Variants in TRPM7 observed in about 807,000 individuals in gnomAD.
TRPM7 encodes transient receptor potential cation channel subfamily M member 7, also known as LTRPC ion channel family member 7.
Under a neutral mutation model 229.7 loss-of-function variants are expected in TRPM7, and 134 were observed. The ratio of observed to expected loss-of-function variants is 0.58; its 90% CI spans 0.51 to 0.67. TRPM7 has a LOEUF of 0.67. Ranked by LOEUF, TRPM7 falls within the 30% of genes least tolerant of loss-of-function variation. The probability of loss-of-function intolerance (pLI) is 0.00; values close to 1 mark genes in which losing one functional copy is unlikely to be tolerated. For missense variants in TRPM7, 1,901 were observed against 2,210.0 expected, an observed-to-expected ratio of 0.86 and a Z score of 2.80; for synonymous variants, 699 against 715.2, an observed-to-expected ratio of 0.98 and a Z score of 0.36.
At chr15:50,580,829 A>T in intron 30 of TRPM7, 45 bp downstream of exon 30, 1 of 1,548,416 alleles carries the variant, frequency 6.5e-7, no homozygotes, top group Non-Finnish European at 8.7e-7. Flanking sequence ...AACATTCAAT[A>T]ACTATGATAC....
chr15:50,631,197 T>A lies in TRPM7; in HGVS notation c.1204+220A>T, dbSNP rs528802351. 3.9e-5 allele frequency among the ~76,000 whole-genome samples: 6 copies of A among 152,334 alleles called. No individual in the cohort carries two copies. The East Asian group carries it at 1.2e-3, about 29-fold the overall frequency. ...GCATAAACCTTGCTAAAAACTTTTA[T>A]TTTTTAAATTCTACAAGATTAAATT... is the stretch of plus-strand genomic sequence containing the variant. On this transcript the variant is annotated intron_variant, in intron 10 of 38. Coordinates refer to ENST00000646667, the MANE Select transcript of TRPM7 (RefSeq NM_017672.6).
At chr15:50,678,883 A>AC (rs1443477238) in intron 1 of TRPM7, among the ~76,000 whole-genome samples, 1 of 151,960 alleles carries the variant, frequency 6.6e-6, no homozygotes, top group Non-Finnish European at 1.5e-5. Context: ...CAAAAAAAAA[A>AC]ATTTTTTTGA....
intron 21 of TRPM7, chr15:50,604,576 GAA>G (rs376885628): frequency 4.5e-3 from 347 of 77,160 alleles, no homozygotes; most frequent in Middle Eastern, 0.015. Flanking sequence ...GTCTCAAAAA[GAA>G]AAAAAAAAAA....
intron 1 of TRPM7, among the ~76,000 whole-genome samples, chr15:50,671,955 T>C (rs1471528734): frequency 1.3e-5 from 2 of 151,004 alleles, no homozygotes; most frequent in Admixed American, 6.6e-5. Context: ...GTACAGTACA[T>C]AATACTTTGT....
chr15:50,656,184 C>G (rs1004594179), intron 3 of TRPM7, among the ~76,000 whole-genome samples: 1 of 152,120 alleles, frequency 6.6e-6, no homozygotes, highest in Non-Finnish European at 1.5e-5. Context: ...AAAAGAAACT[C>G]TTTGGCATCG....
intron 1 of TRPM7, among the ~76,000 whole-genome samples, chr15:50,677,566 C>CCAT (rs2062121927): frequency 6.6e-6 from 1 of 150,434 alleles, no homozygotes; most frequent in East Asian, 2.0e-4. Flanking sequence ...TGGTGAAACC[C>CCAT]CATCCCTACT....
Position 50,592,580 on chromosome 15 carries a change from T to C in TRPM7, c.3655A>G (p.Asn1219Asp), listed in dbSNP as rs1336102660. 6.2e-7 allele frequency: 1 copy of C among 1,606,176 alleles called. No individual in the cohort carries two copies. Among genetic ancestry groups the C allele is most frequent in the East Asian group, 2.2e-5 (1 of 44,832 alleles). ...GATTGTAATGATCTTTTTATGTAGT[T>C]GACACGATCTCCAACTTCTTTAATC... Reference protein sequence around the residue: ...IQIKEVGDRVNYIKRSLQSLD... With the variant: ...IQIKEVGDRVDYIKRSLQSLD... Residue 1219 changes from asparagine (N) to aspartate (D), a missense_variant, in exon 26 of 39, where the codon AAC (asparagine) becomes GAC (aspartate). Transcript: ENST00000646667.
At chr15:50,659,723 A>G (rs1371875189) in intron 2 of TRPM7, among the ~76,000 whole-genome samples, 1 of 151,748 alleles carries the variant, frequency 6.6e-6, no homozygotes, top group Non-Finnish European at 1.5e-5. Context: ...GCTGGAGTGC[A>G]GTGGCACCTT....
intron 23 of TRPM7, among the ~76,000 whole-genome samples, chr15:50,595,332 G>C (rs548394850): frequency 9.0e-4 from 136 of 151,090 alleles, no homozygotes; most frequent in African/African-American, 3.2e-3. Flanking sequence ...ATACTGAACA[G>C]CCCTGCTTTT....
chr15:50,666,404 G>A (rs1017397829), intron 1 of TRPM7, among the ~76,000 whole-genome samples: 4 of 152,054 alleles, frequency 2.6e-5, no homozygotes, highest in Non-Finnish European at 4.4e-5. Context: ...TCATGCCACC[G>A]TACTCCAGCC....
Position 50,612,589 on chromosome 15 carries a change from G to C in TRPM7, c.2011C>G (p.Leu671Val). 1 of 1,613,762 alleles carries C rather than the reference G, an allele frequency of 6.2e-7. No homozygotes were observed. The highest frequency in any genetic ancestry group is 8.5e-7 in the Non-Finnish European group (1 of 1,179,862). ...SMAYEAKQSD[L>V]VDDTSEELKQ... ...AGTTCTTCTGAAGTATCATCTACCAGGTCACTCTGCTTTGCTTCATATGCC... is the reference window on the plus strand; with the variant it reads ...AGTTCTTCTGAAGTATCATCTACCACGTCACTCTGCTTTGCTTCATATGCC... Residue 671 changes from leucine to valine, a missense_variant, in exon 16 of 39, where the codon CTG becomes GTG. Leu to Val is a conservative substitution (Grantham distance 32). Transcript: ENST00000646667.
intron 18 of TRPM7, 33 bp downstream of exon 18, chr15:50,609,773 C>T (rs2060018201): frequency 6.3e-6 from 10 of 1,597,576 alleles, no homozygotes; most frequent in Non-Finnish European, 8.5e-6. Context: ...TCAGAACAAA[C>T]TTATATTTAC....
At chr15:50,594,869 C>T (rs2059594553) in intron 23 of TRPM7, among the ~76,000 whole-genome samples, 1 of 151,836 alleles carries the variant, frequency 6.6e-6, no homozygotes, top group South Asian at 2.1e-4. Context: ...TAAGAAAATA[C>T]TCAGACTTAT....
chr15:50,647,020 C>A (rs2061287793), intron 4 of TRPM7, among the ~76,000 whole-genome samples: 2 of 152,216 alleles, frequency 1.3e-5, no homozygotes, highest in Admixed American at 1.3e-4. Context: ...ACGGTGTTAG[C>A]ATGATGAAAT....
chr15:50,672,841 C>A (rs1282982043), intron 1 of TRPM7, among the ~76,000 whole-genome samples: 1 of 122,874 alleles, frequency 8.1e-6, no homozygotes, highest in Non-Finnish European at 1.6e-5. Flanking sequence ...ACCAGGGAAG[C>A]AGAGGTTGCA....
At chr15:50,663,585 C>T (rs2061791903) in intron 1 of TRPM7, among the ~76,000 whole-genome samples, 1 of 151,652 alleles carries the variant, frequency 6.6e-6, no homozygotes, top group Admixed American at 6.6e-5. Context: ...TTCAAATAGT[C>T]AAACAGGAGG....
chr15:50,603,169 A>C (rs1010150637), intron 21 of TRPM7, among the ~76,000 whole-genome samples: 1 of 152,198 alleles, frequency 6.6e-6, no homozygotes, highest in Non-Finnish European at 1.5e-5. Flanking sequence ...GGGAAGACAC[A>C]TTCTCTTGGA....
At chr15:50,610,752 G>C (rs1878182600) in intron 17 of TRPM7, among the ~76,000 whole-genome samples, 1 of 152,022 alleles carries the variant, frequency 6.6e-6, no homozygotes, top group Non-Finnish European at 1.5e-5. Context: ...TTAGTAGATA[G>C]GTCTTGAATT....
intron 13 of TRPM7, among the ~76,000 whole-genome samples, chr15:50,616,702 A>G (rs889066753): frequency 6.6e-6 from 1 of 151,868 alleles, no homozygotes; most frequent in Non-Finnish European, 1.5e-5. Flanking sequence ...TTTTTTAGAC[A>G]AAGGGTCTTG....
Sources: allele counts gnomAD v4.1 joint callset (sites outside exome capture counted in the v4.1 genomes callset), GRCh38; gene constraint gnomAD v4.1.1; transcripts MANE v1.5; gene names NCBI Gene and HGNC (gene_info 2026-07-23, HGNC 2026-07-21).